Variants in STAC observed in about 807,000 individuals in gnomAD.
STAC encodes SH3 and cysteine-rich domain-containing protein.
STAC carries 43 observed loss-of-function variants against 48.8 expected under a neutral mutation model. That is an observed-to-expected ratio of 0.88 (90% confidence interval 0.69 to 1.14). STAC has a LOEUF of 1.14. Ranked by LOEUF, STAC falls within the 50% of genes most tolerant of loss-of-function variation. STAC has a pLI of 0.00. For synonymous variants in STAC, 193 were observed against 179.5 expected, an observed-to-expected ratio of 1.07 and a Z score of -0.60; for missense variants, 497 against 504.0, an observed-to-expected ratio of 0.99 and a Z score of 0.13.
intron 6 of STAC, among the ~76,000 whole-genome samples, chr3:36,493,951 C>T (rs1264539689): frequency 6.6e-6 from 1 of 151,458 alleles, no homozygotes; most frequent in South Asian, 2.1e-4. Context: ...GAGATCGAGA[C>T]CATCCTGGCT....
At chr3:36,519,740 C>A (rs1217471202) in intron 8 of STAC, among the ~76,000 whole-genome samples, 2 of 152,212 alleles carry the variant, frequency 1.3e-5, no homozygotes, top group Admixed American at 6.5e-5. Flanking sequence ...AAATTGAACA[C>A]ATGTCAGAAT....
intron 2 of STAC, among the ~76,000 whole-genome samples, chr3:36,461,679 G>A (rs762673376): frequency 6.6e-6 from 1 of 152,176 alleles, no homozygotes; most frequent in Admixed American, 6.5e-5. Flanking sequence ...GAGTCATCAA[G>A]AAGATAATAT....
intron 2 of STAC, among the ~76,000 whole-genome samples, chr3:36,451,871 G>A (rs73065782): frequency 0.052 from 7,932 of 152,226 alleles, 290 homozygotes; most frequent in Non-Finnish European, 0.076. Flanking sequence ...AGAAGAAAAC[G>A]TGAGTAGCAA....
chr3:36,490,119 C>T (rs1697928130), intron 5 of STAC, among the ~76,000 whole-genome samples: 1 of 152,230 alleles, frequency 6.6e-6, no homozygotes, highest in Non-Finnish European at 1.5e-5. Context: ...TCTCTCTCCT[C>T]TTCACCTTTG....
chr3:36,512,780 A>G (rs1240909335), intron 8 of STAC, among the ~76,000 whole-genome samples: 1 of 151,786 alleles, frequency 6.6e-6, no homozygotes, highest in Non-Finnish European at 1.5e-5. Flanking sequence ...TAAATCACAC[A>G]TACTTTTTTT....
Position 36,396,596 on chromosome 3 carries a change from G to T in STAC, c.111+15842G>T, listed in dbSNP as rs185625499. ...GAATCAAGCCATACTAATAATGGGG[G>T]GCAAGAAAATGTTCCAAGCATTTTT... On this transcript the variant is annotated intron_variant, in intron 1 of 10. Transcript: ENST00000273183. Among the ~76,000 whole-genome samples the T allele has an allele frequency of 1.4e-4, 21 of 152,142 alleles. No individual in the cohort carries two copies. The East Asian group carries it at 3.1e-3, about 22-fold the overall frequency.
chr3:36,398,419 GGAAGGAAGGAAGGAA>G, intron 1 of STAC, among the ~76,000 whole-genome samples: 1 of 2,110 alleles, frequency 4.7e-4, no homozygotes, highest in Non-Finnish European at 1.2e-3. Context: ...AGAGAGGGAA[GGAAGGAAGGAAGGAA>G]GGAAGGAAGG....
At chr3:36,384,354 C>A (rs1195128024) in intron 1 of STAC, among the ~76,000 whole-genome samples, 1 of 152,080 alleles carries the variant, frequency 6.6e-6, no homozygotes. Context: ...CCTCTGTGAA[C>A]ATGCCTAATA....
At chr3:36,391,248 T>C (rs1216716935) in intron 1 of STAC, among the ~76,000 whole-genome samples, 1 of 152,210 alleles carries the variant, frequency 6.6e-6, no homozygotes, top group Non-Finnish European at 1.5e-5. Context: ...TTTACTGCTA[T>C]AGAAGTTGCT....
chr3:36,435,911 C>T (rs1371193492), intron 1 of STAC, among the ~76,000 whole-genome samples: 2 of 152,186 alleles, frequency 1.3e-5, no homozygotes, highest in Admixed American at 6.5e-5. Context: ...CTTCTCAAGT[C>T]CCTTTGCTTG....
chr3:36,407,034 G>A (rs1559479982), intron 1 of STAC, among the ~76,000 whole-genome samples: 1 of 152,202 alleles, frequency 6.6e-6, no homozygotes, highest in Non-Finnish European at 1.5e-5. Context: ...AACAAAATGA[G>A]ACCTATTACT....
At chr3:36,451,909 T>A (rs1262748530) in intron 2 of STAC, among the ~76,000 whole-genome samples, 1 of 152,220 alleles carries the variant, frequency 6.6e-6, no homozygotes, top group Non-Finnish European at 1.5e-5. Context: ...TTGTGATGGA[T>A]CCCACTTGTT....
chr3:36,541,250 C>T (rs921950628), intron 10 of STAC, among the ~76,000 whole-genome samples: 6 of 152,092 alleles, frequency 3.9e-5, no homozygotes, highest in Non-Finnish European at 8.8e-5. Context: ...GAACTAAGTT[C>T]TATGTAAACC....
intron 1 of STAC, among the ~76,000 whole-genome samples, chr3:36,399,163 T>C (rs1369813564): frequency 6.6e-6 from 1 of 152,130 alleles, no homozygotes; most frequent in Admixed American, 6.5e-5. Flanking sequence ...AGGGGACAGT[T>C]CCCATTAGTT....
chr3:36,398,295 A>AAAAGAAAG (rs1217994053), intron 1 of STAC, among the ~76,000 whole-genome samples: 1,366 of 117,030 alleles, frequency 0.012, 65 homozygotes, highest in Admixed American at 0.016. Flanking sequence ...GGTATGTTAA[A>AAAAGAAAG]AAAGAAAGAA....
chr3:36,414,013 T>C (rs1392494619), intron 1 of STAC, among the ~76,000 whole-genome samples: 2 of 152,230 alleles, frequency 1.3e-5, no homozygotes, highest in African/African-American at 4.8e-5. Context: ...CCCACTCTCT[T>C]CTGGCTTGTA....
chr3:36,423,120 G>A (rs1700484532), intron 1 of STAC, among the ~76,000 whole-genome samples: 1 of 152,004 alleles, frequency 6.6e-6, no homozygotes, highest in African/African-American at 2.4e-5. Flanking sequence ...GTTGAATGGG[G>A]TCTCCACCAT....
chr3:36,499,083 A>G (rs1698221904), intron 6 of STAC, among the ~76,000 whole-genome samples: 1 of 152,212 alleles, frequency 6.6e-6, no homozygotes, highest in African/African-American at 2.4e-5. Flanking sequence ...CTATCTTTCA[A>G]TAATATATTT....
At chr3:36,428,070 G>A (rs974503286) in intron 1 of STAC, among the ~76,000 whole-genome samples, 1 of 152,142 alleles carries the variant, frequency 6.6e-6, no homozygotes, top group African/African-American at 2.4e-5. Context: ...ATTAGACCCT[G>A]AAGCAGATTT....
Sources: gnomAD v4.1 joint callset for allele counts (sites outside exome capture counted in the v4.1 genomes callset) on GRCh38, gnomAD v4.1.1 for gene constraint, MANE v1.5 for transcripts, NCBI Gene and HGNC (gene_info 2026-07-23, HGNC 2026-07-21) for gene names.